The following MLLT3 variants were observed in gnomAD, a reference collection of about 807,000 sequenced individuals.
MLLT3 encodes MLLT3 super elongation complex subunit.
Under a neutral mutation model 53.2 loss-of-function variants are expected in MLLT3, and 4 were observed. The ratio of observed to expected loss-of-function variants is 0.08; its 90% CI spans 0.04 to 0.17. The LOEUF (loss-of-function observed/expected upper bound fraction) is 0.17, where lower values mean the gene tolerates loss of function less well. Among genes scored for constraint, MLLT3 ranks in the 10% least tolerant of loss-of-function variants. The pLI is 1.00. For missense variants in MLLT3, 569 were observed against 684.0 expected (o/e 0.83, Z 1.87); for synonymous variants, 283 against 230.6 (o/e 1.23, Z -2.06).
chr9:20,621,059 C>A lies in MLLT3; in HGVS notation c.13-225G>T. The A allele has an allele frequency of 1.5e-6, 1 of 680,664 alleles. No homozygotes were observed. The highest frequency in any genetic ancestry group is 2.7e-6 in the Non-Finnish European group (1 of 375,276). 42.2% of individuals were successfully genotyped at this position (680,664 alleles called of 1,614,324 possible). Reference sequence around the variant, plus strand: ...GCCCCAGGCGCCCCGGGCCCCGCATCTACATCGGACAGGATTGTAACGGAA... The same window carrying A: ...GCCCCAGGCGCCCCGGGCCCCGCATATACATCGGACAGGATTGTAACGGAA... On this transcript the variant is annotated intron_variant, in intron 1 of 10. Coordinates refer to ENST00000380338, the MANE Select transcript of MLLT3 (RefSeq NM_004529.4). This position sits in a 1 kb window ranked among gnomAD's most constrained non-coding sequence, Gnocchi z 7.0.
At chr9:20,598,608 T>C (rs1820335969) in intron 2 of MLLT3, among the ~76,000 whole-genome samples, 1 of 152,202 alleles carries the variant, frequency 6.6e-6, no homozygotes, top group Non-Finnish European at 1.5e-5. Flanking sequence ...AGACAGTATA[T>C]AAGACAAATG....
At chr9:20,569,488 C>G (rs1819471624) in intron 2 of MLLT3, among the ~76,000 whole-genome samples, 1 of 152,122 alleles carries the variant, frequency 6.6e-6, no homozygotes, top group Non-Finnish European at 1.5e-5. Flanking sequence ...CCCCACAAAA[C>G]AGTCACCAAG....
At chr9:20,495,105 T>C (rs544407959) in intron 2 of MLLT3, among the ~76,000 whole-genome samples, 91 of 152,290 alleles carry the variant, frequency 6.0e-4, no homozygotes, top group Non-Finnish European at 1.2e-3. Context: ...AGTCTGCCAT[T>C]ATCTTTTTGC....
chr9:20,349,911 C>A (rs900328459), intron 10 of MLLT3, among the ~76,000 whole-genome samples: 1 of 152,194 alleles, frequency 6.6e-6, no homozygotes, highest in Non-Finnish European at 1.5e-5. Context: ...TGCAGAGAAA[C>A]AGCCTTAAAG....
At chr9:20,528,981 C>G (rs955281491) in intron 2 of MLLT3, among the ~76,000 whole-genome samples, 1 of 152,164 alleles carries the variant, frequency 6.6e-6, no homozygotes, top group Non-Finnish European at 1.5e-5. Flanking sequence ...TCAGAGTACA[C>G]TGAAGGCCAA....
intron 2 of MLLT3, among the ~76,000 whole-genome samples, chr9:20,535,548 A>G (rs571379403): frequency 3.2e-4 from 49 of 152,316 alleles, no homozygotes; most frequent in African/African-American, 1.1e-3. Flanking sequence ...GCAACCAAAA[A>G]AATCAATCAT....
At chr9:20,547,982 A>G (rs149889011) in intron 2 of MLLT3, among the ~76,000 whole-genome samples, 173 of 152,294 alleles carry the variant, frequency 1.1e-3, no homozygotes, top group Admixed American at 2.4e-3. Flanking sequence ...GTTGGTACAT[A>G]TTTTACACCT....
chr9:20,401,592 C>T (rs550892239), intron 5 of MLLT3, among the ~76,000 whole-genome samples: 2 of 152,224 alleles, frequency 1.3e-5, no homozygotes, highest in African/African-American at 4.8e-5. Context: ...GCTAGAGCAC[C>T]GGTCATCACT....
chr9:20,422,694 GC>G (rs1438862517), intron 4 of MLLT3, among the ~76,000 whole-genome samples: 1 of 152,116 alleles, frequency 6.6e-6, no homozygotes, highest in Non-Finnish European at 1.5e-5. Context: ...GGAAAGACAG[GC>G]CTTAATAGCA....
At chr9:20,518,241 A>G (rs931731176) in intron 2 of MLLT3, among the ~76,000 whole-genome samples, 2 of 152,088 alleles carry the variant, frequency 1.3e-5, no homozygotes, top group Admixed American at 6.5e-5. Flanking sequence ...GCTACTCAGG[A>G]GGCTGAGGCA....
In MLLT3 at chr9:20,342,753, T is replaced by C. The variant is rs1039277955; in HGVS notation, c.*3690A>G. The C allele has an allele frequency of 5.1e-6, 1 of 196,704 alleles. No individual in the cohort carries two copies. The highest frequency in any genetic ancestry group is 1.1e-5 in the Non-Finnish European group (1 of 95,172). The allele number at this position is 196,704 out of a possible 1,614,324, so 12.2% of individuals were successfully genotyped here. ...TGGGAATTGACTCCTTAACATTCAC[T>C]GCAGCTGTAGTAGTCTCTACATCAT... On this transcript the variant is annotated 3_prime_UTR_variant, in exon 11 of 11. Coordinates refer to ENST00000380338, the MANE Select transcript of MLLT3 (RefSeq NM_004529.4).
chr9:20,508,863 T>C (rs1825449054), intron 2 of MLLT3, among the ~76,000 whole-genome samples: 1 of 152,234 alleles, frequency 6.6e-6, no homozygotes, highest in South Asian at 2.1e-4. Flanking sequence ...CACTAATTCA[T>C]ATGGCTGTCG....
At chr9:20,394,970 G>C (rs565302673) in intron 5 of MLLT3, among the ~76,000 whole-genome samples, 4 of 152,206 alleles carry the variant, frequency 2.6e-5, no homozygotes, top group South Asian at 4.1e-4. Context: ...TGTGAGAGAA[G>C]AGCAGGTGAA....
At chr9:20,452,473 G>A (rs542706828) in intron 3 of MLLT3, among the ~76,000 whole-genome samples, 24 of 152,284 alleles carry the variant, frequency 1.6e-4, no homozygotes, top group Non-Finnish European at 2.8e-4. Flanking sequence ...AGAACTGTGA[G>A]TCAATTAAAC....
At chr9:20,499,126 C>T (rs1825155068) in intron 2 of MLLT3, among the ~76,000 whole-genome samples, 1 of 152,224 alleles carries the variant, frequency 6.6e-6, no homozygotes, top group African/African-American at 2.4e-5. Context: ...CTGTCTCCAT[C>T]TTCCCATGGG....
At chr9:20,550,573 C>A (rs1222837310) in intron 2 of MLLT3, among the ~76,000 whole-genome samples, 4 of 152,014 alleles carry the variant, frequency 2.6e-5, no homozygotes, top group African/African-American at 9.7e-5. Context: ...CACAAGCACA[C>A]ACCACCACCA....
At chr9:20,529,724 C>CTTT (rs5896896) in intron 2 of MLLT3, among the ~76,000 whole-genome samples, 195 of 76,272 alleles carry the variant, frequency 2.6e-3, no homozygotes, top group African/African-American at 2.8e-3. Context: ...TAATCCAATC[C>CTTT]TTTTTTTTTT....
intron 2 of MLLT3, among the ~76,000 whole-genome samples, chr9:20,522,164 A>T (rs1244108921): frequency 6.6e-6 from 1 of 151,986 alleles, no homozygotes; most frequent in East Asian, 1.9e-4. Context: ...CCAGCACTAA[A>T]CTGTTCATGT....
At chr9:20,476,899 G>T (rs1270660332) in intron 2 of MLLT3, among the ~76,000 whole-genome samples, 2 of 152,210 alleles carry the variant, frequency 1.3e-5, no homozygotes, top group South Asian at 2.1e-4. Flanking sequence ...CATACGTTAA[G>T]GAATCTATCC....
Sources: gnomAD v4.1 joint callset for allele counts (sites outside exome capture counted in the v4.1 genomes callset) on GRCh38, gnomAD v4.1.1 for gene constraint, Gnocchi (gnomAD v3.1) non-coding constraint, MANE v1.5 for transcripts, NCBI Gene and HGNC (gene_info 2026-07-23, HGNC 2026-07-21) for gene names.